Variants in RELA observed in about 807,000 individuals in gnomAD.
RELA encodes the protein RELA proto-oncogene, NF-kB subunit.
A neutral mutation model predicts 56.7 loss-of-function variants in RELA; 14 were observed. The observed-to-expected ratio is 0.25, with a 90% CI of 0.16 to 0.39. The LOEUF (loss-of-function observed/expected upper bound fraction) is 0.39, where lower values mean the gene tolerates loss of function less well. RELA is among the 10% of genes least tolerant of loss of function. RELA has a pLI of 1.00. For synonymous variants in RELA, 315 were observed against 289.7 expected, an observed-to-expected ratio of 1.09 and a Z score of -0.89; for missense variants, 559 against 736.4, an observed-to-expected ratio of 0.76 and a Z score of 2.79.
At chr11:65,660,720 T>C (rs1158715154) in intron 4 of RELA, 1 of 159,302 alleles carries the variant, frequency 6.3e-6, no homozygotes, top group Non-Finnish European at 1.4e-5. Context: ...TGTTTATTTA[T>C]CTGTGTATTT....
Position 65,655,761 on chromosome 11 carries a change from T to A in RELA, c.960A>T (p.Gly320=). Residue 320 remains glycine (G), a splice_region_variant and synonymous_variant, in exon 10 of 11, where the codon GGA becomes GGT. Coordinates refer to ENST00000406246, the MANE Select transcript of RELA (RefSeq NM_021975.4). ...GAGGTGGAGGCCGGGGGTCGGTGGG[T>A]CCTGTAGGGCAAGGGCTAGGTCAGT... ...KSIMKKSPFS[G]PTDPRPPPRR... 1 of 1,613,942 alleles carries A rather than the reference T, an allele frequency of 6.2e-7. No individual in the cohort carries two copies. Among genetic ancestry groups the A allele is most frequent in the East Asian group, 2.2e-5 (1 of 44,880 alleles).
chr11:65,659,838 G>A (rs959010335), intron 5 of RELA, 41 bp from the exon 6 acceptor site: 1 of 1,577,620 alleles, frequency 6.3e-7, no homozygotes. Flanking sequence ...GGGGAAGTGG[G>A]GATATAGGTG....
chr11:65,658,035 C>T lies in RELA; in HGVS notation c.877+252G>A, dbSNP rs1337190018. On this transcript the variant is annotated intron_variant, in intron 8 of 10. Coordinates refer to ENST00000406246, the MANE Select transcript of RELA (RefSeq NM_021975.4). This position sits in a 1 kb window ranked among gnomAD's most constrained non-coding sequence, Gnocchi z 4.5. The stretch of plus-strand genomic sequence containing the variant: ...CAGGCAAGTTGGACACTATCTCCTA[C>T]TTCAAAAGGGTCATGAGATTAAAAT... Among the ~76,000 whole-genome samples the T allele has an allele frequency of 3.3e-5, 5 of 152,222 alleles. No homozygotes were observed. Among genetic ancestry groups the T allele is most frequent in the Admixed American group, 2.6e-4 (4 of 15,270 alleles).
chr11:65,656,818 A>T (rs1856441679), intron 8 of RELA, among the ~76,000 whole-genome samples: 1 of 152,114 alleles, frequency 6.6e-6, no homozygotes, highest in African/African-American at 2.4e-5. Flanking sequence ...AGGTCAAGAG[A>T]TCGAGACCAC....
At chr11:65,661,581 T>C in intron 4 of RELA, 106 bp downstream of exon 4, 2 of 1,049,084 alleles carry the variant, frequency 1.9e-6, no homozygotes, top group Non-Finnish European at 1.4e-6. Context: ...GGGCAAGGAG[T>C]GAGGAATTCT....
intron 8 of RELA, among the ~76,000 whole-genome samples, chr11:65,657,660 T>G (rs1171222555): frequency 6.6e-6 from 1 of 152,218 alleles, no homozygotes. Flanking sequence ...CAATGCCACC[T>G]TCTCCATGCA....
Position 65,658,891 on chromosome 11 carries a change from G to T in RELA, c.560-69C>A. On this transcript the variant is annotated intron_variant, in intron 6 of 10. Transcript: ENST00000406246. This position sits in a 1 kb window ranked among gnomAD's most constrained non-coding sequence, Gnocchi z 4.5. ...GTCCCCAGGGTGGCCTGCAGGAGAT[G>T]CAACTTCCCTGCCCAGCCCAGAGTC... 7.9e-7 allele frequency: 1 copy of T among 1,267,688 alleles called. No homozygotes were observed. The allele number at this position is 1,267,688 out of a possible 1,614,324, so 78.5% of individuals were successfully genotyped here. A position where few individuals can be genotyped will look rare whatever the true frequency, so the allele number is the denominator to read the frequency against.
At chr11:65,659,601 C>T (rs900497879) in intron 6 of RELA, 65 bp downstream of exon 6, 3 of 1,601,562 alleles carry the variant, frequency 1.9e-6, no homozygotes, top group Non-Finnish European at 1.7e-6. Context: ...GCCACACTCA[C>T]CCCAACCCCC....
chr11:65,658,647 C>T lies in RELA; in HGVS notation c.664+71G>A, dbSNP rs1039456352. 1.8e-5 allele frequency: 27 copies of T among 1,479,116 alleles called. No homozygotes were observed. In the African/African-American group the frequency reaches 2.4e-4, roughly 13 times the overall value. 91.6% of individuals were successfully genotyped at this position (1,479,116 alleles called of 1,614,324 possible). Reference sequence around the variant, plus strand: ...GGAGGAAGTATCCAAAGCCAGTTACCTGACACTCCACTTCTCTGCTCAGCT... The same window carrying T: ...GGAGGAAGTATCCAAAGCCAGTTACTTGACACTCCACTTCTCTGCTCAGCT... On this transcript the variant is annotated intron_variant, in intron 7 of 10. Transcript: ENST00000406246. The surrounding 1 kb of genome is among the most constrained non-coding windows in gnomAD (Gnocchi z 4.5).
Position 65,654,364 on chromosome 11 carries a change from C to G in RELA, c.*14G>C. On this transcript the variant is annotated 3_prime_UTR_variant, in exon 11 of 11. Transcript: ENST00000406246. ...CTGCAACCCAGTGCTCTGGGGAGGG[C>G]AGGCGTCACCCCCTTAGGAGCTGAT... 6.2e-7 allele frequency: 1 copy of G among 1,613,798 alleles called. No individual in the cohort carries two copies. Among genetic ancestry groups the G allele is most frequent in the Non-Finnish European group, 8.5e-7 (1 of 1,179,938 alleles).
At position 65,655,059 on chromosome 11, in the gene RELA, C is replaced by T. The variant is rs1590931804; in HGVS notation, c.1034-59G>A. On this transcript the variant is annotated intron_variant, in intron 10 of 10. Transcript: ENST00000406246. ...GAAAGCCCTAGAGATCCACCCCGTC[C>T]TCTGTACCCCAGCCCCTCTTCATGG... 3 of 1,347,344 alleles carry T rather than the reference C, an allele frequency of 2.2e-6. No individual in the cohort carries two copies. The East Asian group carries it at 7.3e-5, about 33-fold the overall frequency. The allele number at this position is 1,347,344 out of a possible 1,614,324, so 83.5% of individuals were successfully genotyped here. A position where few individuals can be genotyped will look rare whatever the true frequency, so the allele number is the denominator to read the frequency against.
upstream of RELA, chr11:65,662,939 G>T: frequency 1.0e-6 from 1 of 962,984 alleles, no homozygotes; most frequent in Non-Finnish European, 1.3e-6. Flanking sequence ...CCGCCGTCGC[G>T]TCACTGCCCG....
In RELA at chr11:65,654,346, C is replaced by T; in HGVS notation, c.*32G>A. The T allele has an allele frequency of 6.2e-7, 1 of 1,613,792 alleles. No individual in the cohort carries two copies. On this transcript the variant is annotated 3_prime_UTR_variant, in exon 11 of 11. Coordinates refer to ENST00000406246, the MANE Select transcript of RELA (RefSeq NM_021975.4). ...TTGGAGGGCTTCAATCCCCTGCAAC[C>T]CAGTGCTCTGGGGAGGGCAGGCGTC... is the stretch of plus-strand genomic sequence containing the variant.
At chr11:65,663,044 C>G, upstream of RELA, 1 of 277,576 alleles carries the variant, frequency 3.6e-6, no homozygotes, top group Non-Finnish European at 6.6e-6. Context: ...GCTGCACGCA[C>G]AGCCGCTGCC....
chr11:65,663,520 G>C (rs1443543471), upstream of RELA, among the ~76,000 whole-genome samples: 4 of 152,172 alleles, frequency 2.6e-5, no homozygotes, highest in Non-Finnish European at 4.4e-5. Flanking sequence ...GGACGACTGA[G>C]GCCCTCCCGC....
At position 65,655,726 on chromosome 11, in the gene RELA, G is replaced by T; in HGVS notation, c.995C>A (p.Ala332Asp). The T allele has an allele frequency of 6.2e-7, 1 of 1,614,102 alleles. No individual in the cohort carries two copies. The highest frequency in any genetic ancestry group is 2.2e-5 in the East Asian group (1 of 44,890). The part of the protein sequence containing the change: ...TDPRPPPRRI[A>D]VPSRSSASVP... ...AGAAGCTGAGCTGCGGGAAGGCACA[G>T]CAATGCGTCGAGGTGGAGGCCGGGG... is the stretch of plus-strand genomic sequence containing the variant. The change falls in exon 10 of 11, where the codon GCT becomes GAT. Residue 332 changes from alanine (A) to aspartate (D), a missense_variant. Ala to Asp is a moderately radical substitution (Grantham distance 126, BLOSUM62 -2). Transcript: ENST00000406246.
Position 65,658,314 on chromosome 11 carries a change from T to C in RELA, c.850A>G (p.Met284Val). Residue 284 changes from methionine (M) to valine (V), a missense_variant, in exon 8 of 11, where the codon ATG becomes GTG. Physicochemically the swap from Met to Val is conservative, Grantham distance 21 (BLOSUM62 1). Transcript: ENST00000406246. This position sits in a 1 kb window ranked among gnomAD's most constrained non-coding sequence, Gnocchi z 4.5. ...RPSDRELSEP[M>V]EFQYLPDTDD... ...GTATCTGGCAGGTACTGGAATTCCA[T>C]GGGCTCACTGAGCTCCCGGTCGGAA... is the stretch of plus-strand genomic sequence containing the variant. 2 of 1,607,354 alleles carry C rather than the reference T, an allele frequency of 1.2e-6. No individual in the cohort carries two copies. Among genetic ancestry groups the C allele is most frequent in the Non-Finnish European group, 1.7e-6 (2 of 1,177,686 alleles).
intron 5 of RELA, 80 bp from the exon 6 acceptor site, chr11:65,659,877 T>A (rs1856521360): frequency 2.7e-6 from 4 of 1,507,626 alleles, no homozygotes; most frequent in Non-Finnish European, 2.7e-6. Flanking sequence ...AGCTCTGCGC[T>A]GGGAGGGCCG....
In RELA at chr11:65,654,205, A is replaced by G. The variant is rs1401647091; in HGVS notation, c.*173T>C. The stretch of plus-strand genomic sequence containing the variant: ...CTTCTGCTTAAGCACCTCCAAAAAG[A>G]GAGAGAGATACAGATACTGACAATA... On this transcript the variant is annotated 3_prime_UTR_variant, in exon 11 of 11. Coordinates refer to ENST00000406246, the MANE Select transcript of RELA (RefSeq NM_021975.4). 1.2e-6 allele frequency: 1 copy of G among 841,258 alleles called. No individual in the cohort carries two copies. The highest frequency in any genetic ancestry group is 2.0e-6 in the Non-Finnish European group (1 of 506,102). The allele number at this position is 841,258 out of a possible 1,614,324, so 52.1% of individuals were successfully genotyped here.
Sources: allele counts gnomAD v4.1 joint callset (sites outside exome capture counted in the v4.1 genomes callset), GRCh38; gene constraint gnomAD v4.1.1; non-coding constraint Gnocchi (gnomAD v3.1); transcripts MANE v1.5; gene names NCBI Gene and HGNC (gene_info 2026-07-23, HGNC 2026-07-21).